The following NRG1 variants were observed in gnomAD, a reference collection of about 807,000 sequenced individuals.
NRG1 encodes pro-neuregulin-1, membrane-bound isoform.
NRG1 carries 18 observed loss-of-function variants against 63.8 expected under a neutral mutation model. The ratio of observed to expected loss-of-function variants is 0.28; its 90% CI spans 0.19 to 0.42. The LOEUF (loss-of-function observed/expected upper bound fraction) is 0.42, where lower values mean the gene tolerates loss of function less well. NRG1 is among the 10% of genes least tolerant of loss of function. NRG1 has a pLI of 1.00. For missense variants in NRG1, 762 were observed against 814.7 expected, an observed-to-expected ratio of 0.94 and a Z score of 0.79; for synonymous variants, 302 against 301.3, an observed-to-expected ratio of 1.00 and a Z score of -0.02.
chr8:32,089,106 A>T (rs1291170733), intron 1 of NRG1, among the ~76,000 whole-genome samples: 1 of 152,130 alleles, frequency 6.6e-6, no homozygotes, highest in Non-Finnish European at 1.5e-5. Context: ...GCTCATGTGC[A>T]TGGATCCCTG....
At chr8:32,244,053 G>A (rs1848384341) in intron 1 of NRG1, among the ~76,000 whole-genome samples, 1 of 152,124 alleles carries the variant, frequency 6.6e-6, no homozygotes, top group Non-Finnish European at 1.5e-5. Flanking sequence ...TGACATGGCC[G>A]TTTGCTCCAG....
intron 1 of NRG1, among the ~76,000 whole-genome samples, chr8:31,710,159 G>C (rs1811596213): frequency 6.6e-6 from 1 of 151,550 alleles, no homozygotes; most frequent in Admixed American, 6.6e-5. Context: ...CTTTGAAGAG[G>C]GAATTGTTTT....
intron 1 of NRG1, among the ~76,000 whole-genome samples, chr8:32,333,322 C>T (rs1027869215): frequency 3.3e-5 from 5 of 152,102 alleles, no homozygotes; most frequent in Non-Finnish European, 5.9e-5. Flanking sequence ...ATTTTTTTCA[C>T]TGGCCACGTG....
intron 1 of NRG1, among the ~76,000 whole-genome samples, chr8:32,305,165 A>C (rs1284545919): frequency 6.6e-6 from 1 of 152,168 alleles, no homozygotes; most frequent in Non-Finnish European, 1.5e-5. Flanking sequence ...TTCAAATAAG[A>C]CTGTATTTTT....
At chr8:31,747,084 C>T (rs887967062) in intron 1 of NRG1, among the ~76,000 whole-genome samples, 2 of 151,722 alleles carry the variant, frequency 1.3e-5, no homozygotes, top group Admixed American at 6.6e-5. Flanking sequence ...AGAAAGAATG[C>T]ATAAGACCTA....
At chr8:32,618,418 C>T (rs915840558) in intron 5 of NRG1, among the ~76,000 whole-genome samples, 1 of 152,060 alleles carries the variant, frequency 6.6e-6, no homozygotes, top group African/African-American at 2.4e-5. Flanking sequence ...TTTTGGTTTT[C>T]CCAAGCTTTG....
intron 1 of NRG1, among the ~76,000 whole-genome samples, chr8:31,969,851 G>C (rs1208456683): frequency 6.6e-6 from 1 of 152,096 alleles, no homozygotes; most frequent in Non-Finnish European, 1.5e-5. Context: ...CAGGGGTGGG[G>C]ACAGGAAGTG....
At chr8:32,087,482 C>CTTTTTTTTTTTTTTTTTTTT (rs67438409) in intron 1 of NRG1, among the ~76,000 whole-genome samples, 1 of 90,278 alleles carries the variant, frequency 1.1e-5, no homozygotes, top group Non-Finnish European at 2.1e-5. Context: ...TCTTTTCTTT[C>CTTTTTTTTTTTTTTTTTTTT]TTTTTTTTTT....
intron 1 of NRG1, among the ~76,000 whole-genome samples, chr8:31,674,611 G>C (rs1807492740): frequency 6.6e-6 from 1 of 151,330 alleles, no homozygotes; most frequent in East Asian, 2.0e-4. Context: ...CCTTCTTGAG[G>C]CTTACTCAAG....
chr8:32,513,207 G>A (rs1045855967), intron 1 of NRG1, among the ~76,000 whole-genome samples: 14 of 72,128 alleles, frequency 1.9e-4, no homozygotes, highest in East Asian at 4.7e-3. Flanking sequence ...GTGTGTGCGT[G>A]TGTGTGTGTG....
intron 1 of NRG1, among the ~76,000 whole-genome samples, chr8:32,310,442 T>A (rs1469467993): frequency 6.6e-6 from 1 of 152,198 alleles, no homozygotes; most frequent in Non-Finnish European, 1.5e-5. Flanking sequence ...AAGGAAAGTA[T>A]GTGCCCACTT....
chr8:31,876,030 AAAACAAACAAAC>A (rs4035778), intron 1 of NRG1, among the ~76,000 whole-genome samples: 27 of 149,504 alleles, frequency 1.8e-4, no homozygotes, highest in East Asian at 8.0e-4. Flanking sequence ...TCTGTCCTAA[AAAACAAACAAAC>A]AAACAAACAA....
intron 1 of NRG1, among the ~76,000 whole-genome samples, chr8:31,861,531 C>T (rs1375407623): frequency 3.9e-5 from 6 of 152,046 alleles, no homozygotes; most frequent in Non-Finnish European, 8.8e-5. Flanking sequence ...AGTTGTCCAC[C>T]AATTGTCCCA....
intron 1 of NRG1, among the ~76,000 whole-genome samples, chr8:32,036,003 T>C (rs975409790): frequency 6.6e-6 from 1 of 152,202 alleles, no homozygotes; most frequent in East Asian, 1.9e-4. Flanking sequence ...GCAGACTTTT[T>C]TGATGAAGTT....
intron 1 of NRG1, among the ~76,000 whole-genome samples, chr8:31,823,813 C>T (rs1824239410): frequency 1.3e-5 from 2 of 152,124 alleles, no homozygotes; most frequent in South Asian, 2.1e-4. Context: ...TGAAAATCTT[C>T]ATATAGTAGC....
At chr8:32,229,802 G>A (rs1846718486) in intron 1 of NRG1, among the ~76,000 whole-genome samples, 1 of 152,120 alleles carries the variant, frequency 6.6e-6, no homozygotes, top group African/African-American at 2.4e-5. Flanking sequence ...ACTCCAGTCG[G>A]TTTTGGGTTT....
chr8:31,777,433 G>A (rs1211173706), intron 1 of NRG1, among the ~76,000 whole-genome samples: 1 of 152,208 alleles, frequency 6.6e-6, no homozygotes, highest in African/African-American at 2.4e-5. Flanking sequence ...ACAGAGTTGG[G>A]CATGCGTGGG....
At chr8:31,777,850 C>G (rs559953584) in intron 1 of NRG1, among the ~76,000 whole-genome samples, 65 of 152,264 alleles carry the variant, frequency 4.3e-4, no homozygotes, top group African/African-American at 1.4e-3. Context: ...AGAGTGAAAA[C>G]TCAGTCATTA....
chr8:32,390,344 G>C (rs1811567333), intron 1 of NRG1, among the ~76,000 whole-genome samples: 1 of 152,020 alleles, frequency 6.6e-6, no homozygotes, highest in Non-Finnish European at 1.5e-5. Flanking sequence ...TAGCACTTTG[G>C]GAGGCACAGC....
Sources: allele counts gnomAD v4.1 joint callset (sites outside exome capture counted in the v4.1 genomes callset), GRCh38; gene constraint gnomAD v4.1.1; transcripts MANE v1.5; gene names NCBI Gene and HGNC (gene_info 2026-07-23, HGNC 2026-07-21).